ADAMTSL1: variants seen among roughly 807,000 people sequenced by gnomAD.
ADAMTSL1 encodes ADAMTS-like protein 1.
ADAMTSL1 carries 126 observed loss-of-function variants against 201.8 expected under a neutral mutation model. The ratio of observed to expected loss-of-function variants is 0.62; its 90% CI spans 0.54 to 0.72. The LOEUF is 0.72. Ranked by LOEUF, ADAMTSL1 falls within the 30% of genes least tolerant of loss-of-function variation. The probability of loss-of-function intolerance (pLI) is 0.00; values close to 1 mark genes in which losing one functional copy is unlikely to be tolerated. For synonymous variants in ADAMTSL1, 1,121 were observed against 903.4 expected, an observed-to-expected ratio of 1.24 and a Z score of -4.32; for missense variants, 2,679 against 2,277.8, an observed-to-expected ratio of 1.18 and a Z score of -3.59.
intron 1 of ADAMTSL1, among the ~76,000 whole-genome samples, chr9:17,956,586 G>T (rs1827941814): frequency 6.6e-6 from 1 of 152,138 alleles, no homozygotes; most frequent in Non-Finnish European, 1.5e-5. Flanking sequence ...CCACCTGAAG[G>T]TCTGTAGCAT....
intron 26 of ADAMTSL1, among the ~76,000 whole-genome samples, chr9:18,896,124 A>G (rs1194993033): frequency 3.3e-5 from 5 of 152,220 alleles, no homozygotes; most frequent in African/African-American, 9.6e-5. Flanking sequence ...ATACATTTTG[A>G]GAGTCTCAGA....
intron 2 of ADAMTSL1, among the ~76,000 whole-genome samples, chr9:18,517,933 T>G (rs531153833): frequency 6.6e-6 from 1 of 152,292 alleles, no homozygotes; most frequent in East Asian, 1.9e-4. Flanking sequence ...TGGAGTTATC[T>G]TTATAACAGT....
At chr9:18,504,154 TA>T in intron 1 of ADAMTSL1, among the ~76,000 whole-genome samples, 1 of 152,306 alleles carries the variant, frequency 6.6e-6, no homozygotes, top group Middle Eastern at 3.4e-3. Context: ...CCTGTTCTCT[TA>T]ACTATAGCAC....
chr9:18,134,920 ACTGT>A (rs1826095970), intron 1 of ADAMTSL1, among the ~76,000 whole-genome samples: 1 of 152,144 alleles, frequency 6.6e-6, no homozygotes, highest in African/African-American at 2.4e-5. Flanking sequence ...AACTTCAATA[ACTGT>A]AAGGGAGTCA....
At chr9:18,252,935 G>A (rs1329682175) in intron 2 of ADAMTSL1, among the ~76,000 whole-genome samples, 1 of 152,084 alleles carries the variant, frequency 6.6e-6, no homozygotes, top group Non-Finnish European at 1.5e-5. Context: ...GTTACACTAT[G>A]TTTATTACCT....
chr9:18,721,603 C>T lies in ADAMTSL1; in HGVS notation c.1944C>T (p.Cys648=), dbSNP rs531964438. The change falls in exon 15 of 29, where the codon TGC becomes TGT. Residue 648 remains cysteine (C), a synonymous_variant. Coordinates refer to ENST00000380548, the MANE Select transcript of ADAMTSL1 (RefSeq NM_001040272.6). ...GGGAGCCTGCTGAGGAGAACCTGTG[C>T]GTGACCAGCCGCCGGCCCCCACAGC... ...QTREPAEENL[C]VTSRRPPQLL... The T allele has an allele frequency of 2.5e-5, 41 of 1,613,802 alleles. No individual in the cohort carries two copies. The highest frequency in any genetic ancestry group is 2.5e-4 in the South Asian group (23 of 91,080).
intron 4 of ADAMTSL1, among the ~76,000 whole-genome samples, chr9:18,604,180 T>C (rs1179133387): frequency 6.6e-6 from 1 of 152,164 alleles, no homozygotes; most frequent in Non-Finnish European, 1.5e-5. Flanking sequence ...TTACAAAAGG[T>C]TTAAGGAGGC....
Position 18,291,549 on chromosome 9 carries a change from A to G in ADAMTSL1, c.207+127568A>G, listed in dbSNP as rs1318320675. On this transcript the variant is annotated intron_variant, in intron 2 of 29. Transcript: ENST00000680146. Reference sequence around the variant, plus strand: ...CCAAGGTGATTGAACCATTTCGTGCATTTCATAATTGCCTTATGTAGACTC... The same window carrying G: ...CCAAGGTGATTGAACCATTTCGTGCGTTTCATAATTGCCTTATGTAGACTC... Among the ~76,000 whole-genome samples the G allele has an allele frequency of 3.3e-5, 5 of 152,062 alleles. No homozygotes were observed. The East Asian group carries it at 9.7e-4, about 29-fold the overall frequency.
intron 2 of ADAMTSL1, among the ~76,000 whole-genome samples, chr9:18,288,129 C>G (rs1412540128): frequency 6.6e-6 from 1 of 151,998 alleles, no homozygotes; most frequent in Non-Finnish European, 1.5e-5. Context: ...TTGGGAAATT[C>G]TAGGTGAAAT....
intron 2 of ADAMTSL1, among the ~76,000 whole-genome samples, chr9:18,529,289 A>T (rs1384365263): frequency 1.3e-5 from 2 of 152,250 alleles, no homozygotes; most frequent in Non-Finnish European, 2.9e-5. Context: ...GAAGTAGTTT[A>T]TAAACTGATA....
chr9:18,601,972 C>T (rs4977326), intron 4 of ADAMTSL1, among the ~76,000 whole-genome samples: 74,722 of 151,824 alleles, frequency 0.49, 19,202 homozygotes, highest in Middle Eastern at 0.64. Flanking sequence ...TTTCCTATAA[C>T]AGGAAAGAAT....
At chr9:18,177,802 G>A (rs1486397827) in intron 2 of ADAMTSL1, among the ~76,000 whole-genome samples, 21 of 152,154 alleles carry the variant, frequency 1.4e-4, no homozygotes, top group East Asian at 1.9e-4. Context: ...TAGGTGCAGG[G>A]GAATCTGGGC....
Position 18,680,710 on chromosome 9 carries a change from C to T in ADAMTSL1, c.1341+194C>T. 4 of 612,102 alleles carry T rather than the reference C, an allele frequency of 6.5e-6. No homozygotes were observed. In the South Asian group the frequency reaches 8.4e-5, roughly 13 times the overall value. The allele number at this position is 612,102 out of a possible 1,614,324, so 37.9% of individuals were successfully genotyped here. On this transcript the variant is annotated intron_variant, in intron 11 of 28. Transcript: ENST00000380548. Reference sequence around the variant, plus strand: ...AGTAAATGATGTTTTTTTAAAGTGTCTTTCTTCAAGTTTCTTCAAGAAGCC... The same window carrying T: ...AGTAAATGATGTTTTTTTAAAGTGTTTTTCTTCAAGTTTCTTCAAGAAGCC...
intron 1 of ADAMTSL1, among the ~76,000 whole-genome samples, chr9:18,126,286 T>A (rs1169214700): frequency 2.6e-5 from 4 of 152,210 alleles, no homozygotes; most frequent in African/African-American, 9.6e-5. Context: ...CCAGATCAAG[T>A]ATCCCAGAAT....
chr9:18,847,161 A>G (rs190060280), intron 23 of ADAMTSL1, among the ~76,000 whole-genome samples: 108 of 152,332 alleles, frequency 7.1e-4, no homozygotes, highest in African/African-American at 1.8e-3. Context: ...AGAAAAGTCA[A>G]TCATGAGTGT....
intron 1 of ADAMTSL1, among the ~76,000 whole-genome samples, chr9:17,985,778 C>G (rs761510133): frequency 1.7e-4 from 26 of 152,100 alleles, no homozygotes; most frequent in Non-Finnish European, 3.2e-4. Flanking sequence ...CATGGAGGTT[C>G]TGATGTATAT....
intron 3 of ADAMTSL1, among the ~76,000 whole-genome samples, chr9:18,564,334 A>G (rs1587579206): frequency 6.6e-6 from 1 of 152,120 alleles, no homozygotes; most frequent in East Asian, 1.9e-4. Context: ...CCCTCCGTGG[A>G]TTGCAGCTAC....
At chr9:18,306,277 GCTT>G (rs1190154110) in intron 2 of ADAMTSL1, among the ~76,000 whole-genome samples, 1 of 152,148 alleles carries the variant, frequency 6.6e-6, no homozygotes, top group Non-Finnish European at 1.5e-5. Context: ...AAATCAGAAT[GCTT>G]CTTCTCCTCC....
chr9:18,675,862 G>T lies in ADAMTSL1; in HGVS notation c.1091G>T (p.Gly364Val), dbSNP rs1318195753. Residue 364 changes from glycine to valine, a missense_variant, in exon 10 of 29, where the codon GGA becomes GTA. By Grantham distance (109) the Gly-to-Val change is moderately radical. Transcript: ENST00000380548. ...GGCATTATTGTTCCTAACAGTGACG[G>T]ATACAAGCAGATCATGCCTTATGAC... ...CNLDPCPASD[G>V]YKQIMPYDLY... The T allele has an allele frequency of 6.2e-7, 1 of 1,613,022 alleles. No individual in the cohort carries two copies. The highest frequency in any genetic ancestry group is 1.3e-5 in the African/African-American group (1 of 74,952).
Sources: allele counts gnomAD v4.1 joint callset (sites outside exome capture counted in the v4.1 genomes callset), GRCh38; gene constraint gnomAD v4.1.1; transcripts MANE v1.5; gene names NCBI Gene and HGNC (gene_info 2026-07-23, HGNC 2026-07-21).